ARFGEF3: variants seen among roughly 807,000 people sequenced by gnomAD.
ARFGEF3 encodes the protein brefeldin A-inhibited guanine nucleotide-exchange protein 3.
Under a neutral mutation model 221.7 loss-of-function variants are expected in ARFGEF3, and 96 were observed. The ratio of observed to expected loss-of-function variants is 0.43; its 90% CI spans 0.37 to 0.51. The LOEUF (loss-of-function observed/expected upper bound fraction) is 0.51. Ranked by LOEUF, ARFGEF3 falls within the 20% of genes least tolerant of loss-of-function variation. The pLI is 0.00. For synonymous variants in ARFGEF3, 1,145 were observed against 1,126.8 expected (o/e 1.02, Z -0.32); for missense variants, 2,410 against 2,789.9 (o/e 0.86, Z 3.07).
chr6:138,259,926 T>A (rs1490100770), intron 10 of ARFGEF3, among the ~76,000 whole-genome samples: 1 of 151,300 alleles, frequency 6.6e-6, no homozygotes, highest in African/African-American at 2.4e-5. Flanking sequence ...AAAAAAAAAA[T>A]TATCGAATTT....
intron 5 of ARFGEF3, among the ~76,000 whole-genome samples, chr6:138,231,874 G>T (rs1272895191): frequency 6.6e-6 from 1 of 152,068 alleles, no homozygotes; most frequent in Admixed American, 6.5e-5. Context: ...TAAATAAGAG[G>T]GCACCCTTCA....
chr6:138,201,765 C>T (rs184750685), intron 2 of ARFGEF3, among the ~76,000 whole-genome samples: 19 of 152,282 alleles, frequency 1.2e-4, no homozygotes, highest in East Asian at 1.2e-3. Flanking sequence ...CACAAATCAC[C>T]GCTAAAGAAC....
intron 2 of ARFGEF3, among the ~76,000 whole-genome samples, chr6:138,192,495 AACT>A (rs1434540719): frequency 2.9e-5 from 4 of 136,236 alleles, no homozygotes; most frequent in East Asian, 4.9e-4. Context: ...CTCAAAAAAA[AACT>A]AACCAAACAA....
At chr6:138,284,234 G>A (rs1194054610) in intron 14 of ARFGEF3, among the ~76,000 whole-genome samples, 2 of 152,112 alleles carry the variant, frequency 1.3e-5, no homozygotes, top group African/African-American at 2.4e-5. Context: ...GAACCTGGGA[G>A]GTGGAAGTTG....
intron 8 of ARFGEF3, among the ~76,000 whole-genome samples, chr6:138,249,663 T>C (rs1778545044): frequency 6.6e-6 from 1 of 152,186 alleles, no homozygotes; most frequent in Non-Finnish European, 1.5e-5. Flanking sequence ...CATGTGCATA[T>C]GTTTCTAGGA....
chr6:138,291,868 G>A lies in ARFGEF3; in HGVS notation c.3183G>A (p.Ser1061=), dbSNP rs1562381590. The A allele has an allele frequency of 5.4e-6, 8 of 1,494,210 alleles. No individual in the cohort carries two copies. The highest frequency in any genetic ancestry group is 5.4e-5 in the East Asian group (2 of 37,044). The allele number at this position is 1,494,210 out of a possible 1,614,324, so 92.6% of individuals were successfully genotyped here. A position where few individuals can be genotyped will look rare whatever the true frequency, so the allele number is the denominator to read the frequency against. The change falls in exon 19 of 34, where the codon TCG becomes TCA. Residue 1061 remains serine (S), a synonymous_variant. Coordinates refer to ENST00000251691, the MANE Select transcript of ARFGEF3 (RefSeq NM_020340.5). This position sits in a 1 kb window ranked among gnomAD's most constrained non-coding sequence, Gnocchi z 4.5. ...GLLGDPECEG[S]PPEHSPEQGR... ...TTGGGGACCCCGAGTGTGAGGGCTC[G>A]CCCCCCGAGCACAGCCCGGAGCAGG...
At chr6:138,266,271 G>GAAGGGAAGGGAAGGC (rs1778890202) in intron 12 of ARFGEF3, among the ~76,000 whole-genome samples, 1 of 151,694 alleles carries the variant, frequency 6.6e-6, no homozygotes, top group Non-Finnish European at 1.5e-5. Context: ...GAAAGGAAAG[G>GAAGGGAAGGGAAGGC]AAGGGAAGGG....
intron 16 of ARFGEF3, 22 bp downstream of exon 16, chr6:138,286,938 C>T: frequency 6.2e-7 from 1 of 1,610,418 alleles, no homozygotes; most frequent in Non-Finnish European, 8.5e-7. Context: ...AGTAGTGTTC[C>T]CTGGCCGTGG....
intron 2 of ARFGEF3, among the ~76,000 whole-genome samples, chr6:138,200,407 C>G (rs1777512780): frequency 6.6e-6 from 1 of 152,164 alleles, no homozygotes; most frequent in Non-Finnish European, 1.5e-5. Flanking sequence ...AGGCATCACA[C>G]TACCTGATTT....
chr6:138,275,173 A>C (rs888318043), intron 12 of ARFGEF3, among the ~76,000 whole-genome samples: 1 of 152,174 alleles, frequency 6.6e-6, no homozygotes, highest in African/African-American at 2.4e-5. Context: ...TCAGCCCATG[A>C]TCACAAAGTG....
intron 2 of ARFGEF3, among the ~76,000 whole-genome samples, chr6:138,206,288 A>G (rs1346113545): frequency 6.6e-6 from 1 of 151,526 alleles, no homozygotes; most frequent in Non-Finnish European, 1.5e-5. Context: ...GTTTATTCCT[A>G]AAATATTTTA....
chr6:138,205,870 C>T (rs1019923930), intron 2 of ARFGEF3, among the ~76,000 whole-genome samples: 7 of 152,160 alleles, frequency 4.6e-5, no homozygotes, highest in Admixed American at 1.3e-4. Context: ...GTGTGACTCT[C>T]GCTTCATCGG....
rs1461929624 is a variant in ARFGEF3 at position 138,342,062 on chromosome 6, C to T, written c.*5576C>T. 1 of 152,164 alleles carries T rather than the reference C, an allele frequency of 6.6e-6. No homozygotes were observed. The highest frequency in any genetic ancestry group is 1.5e-5 in the Non-Finnish European group (1 of 68,030). 9.4% of individuals were successfully genotyped at this position (152,164 alleles called of 1,614,324 possible). A position where few individuals can be genotyped will look rare whatever the true frequency, so the allele number is the denominator to read the frequency against. ...TTCCACCCTTTTCAACCACCAACAA[C>T]TGTTCGTACTGTTAATTCCTATCCT... On this transcript the variant is annotated 3_prime_UTR_variant, in exon 34 of 34. Transcript: ENST00000251691.
At chr6:138,305,759 C>T (rs140370556) in intron 22 of ARFGEF3, among the ~76,000 whole-genome samples, 7 of 152,048 alleles carry the variant, frequency 4.6e-5, no homozygotes, top group African/African-American at 7.2e-5. Flanking sequence ...ATTAAAACCA[C>T]GCAATCATCT....
Position 138,307,151 on chromosome 6 carries a change from AT to A in ARFGEF3, c.3829-100del, listed in dbSNP as rs1457324386. The A allele has an allele frequency of 8.9e-6, 11 of 1,240,466 alleles. No homozygotes were observed. The East Asian group carries it at 2.1e-4, about 24-fold the overall frequency. 76.8% of individuals were successfully genotyped at this position (1,240,466 alleles called of 1,614,324 possible). On this transcript the variant is annotated intron_variant, in intron 22 of 33. Transcript: ENST00000251691. ...ATTCTGGTTTTTCCTTTTCACTAAA[AT>A]TAACTCCAAAATAGGGGACAGAGAA... is the stretch of plus-strand genomic sequence containing the variant.
intron 1 of ARFGEF3, among the ~76,000 whole-genome samples, chr6:138,166,291 A>G (rs1776720549): frequency 6.6e-6 from 1 of 152,250 alleles, no homozygotes; most frequent in Non-Finnish European, 1.5e-5. Context: ...AATGTTGCAA[A>G]TAATGGAACA....
At position 138,300,299 on chromosome 6, in the gene ARFGEF3, T is replaced by G. The variant is rs186771683; in HGVS notation, c.3828+1514T>G. On this transcript the variant is annotated intron_variant, in intron 22 of 33. Transcript: ENST00000251691. The stretch of plus-strand genomic sequence containing the variant: ...GTAACACCTATAGTTATCTCCTAGA[T>G]AGTTAACACCTAGAAGTTAACACCT... 5.4e-4 allele frequency among the ~76,000 whole-genome samples: 83 copies of G among 152,346 alleles called. 2 individuals carry two copies. The highest frequency in any genetic ancestry group is 1.8e-3 in the African/African-American group (74 of 41,588).
intron 2 of ARFGEF3, 46 bp downstream of exon 2, chr6:138,170,759 A>G (rs116143200): frequency 0.032 from 36,244 of 1,117,532 alleles, 702 homozygotes; most frequent in African/African-American, 0.057. Context: ...AATATTACCC[A>G]CTGAAGGCCC....
At position 138,291,865 on chromosome 6, in the gene ARFGEF3, C is replaced by A; in HGVS notation, c.3180C>A (p.Gly1060=). Residue 1060 remains glycine (G), a synonymous_variant, in exon 19 of 34, where the codon GGC becomes GGA. Transcript: ENST00000251691. This position sits in a 1 kb window ranked among gnomAD's most constrained non-coding sequence, Gnocchi z 4.5. ...TCCTTGGGGACCCCGAGTGTGAGGGCTCGCCCCCCGAGCACAGCCCGGAGC... is the reference window on the plus strand; with the variant it reads ...TCCTTGGGGACCCCGAGTGTGAGGGATCGCCCCCCGAGCACAGCCCGGAGC... ...AGLLGDPECE[G]SPPEHSPEQG... is the part of the protein sequence containing the mutation. 1 of 1,497,892 alleles carries A rather than the reference C, an allele frequency of 6.7e-7. No homozygotes were observed. The highest frequency in any genetic ancestry group is 8.9e-7 in the Non-Finnish European group (1 of 1,119,280). 92.8% of individuals were successfully genotyped at this position (1,497,892 alleles called of 1,614,324 possible).
Sources: gnomAD v4.1 joint callset for allele counts (sites outside exome capture counted in the v4.1 genomes callset) on GRCh38, gnomAD v4.1.1 for gene constraint, Gnocchi (gnomAD v3.1) non-coding constraint, MANE v1.5 for transcripts, NCBI Gene and HGNC (gene_info 2026-07-23, HGNC 2026-07-21) for gene names.